KLB: variants seen among roughly 807,000 people sequenced by gnomAD.
KLB encodes the protein beta-klotho.
KLB carries 44 observed loss-of-function variants against 88.4 expected under a neutral mutation model. That is an observed-to-expected ratio of 0.50 (90% CI 0.39 to 0.64). KLB has a LOEUF of 0.64. KLB is among the 30% of genes least tolerant of loss of function. The pLI, the probability that KLB is intolerant of heterozygous loss-of-function variation, is 0.00. For synonymous variants in KLB, 548 were observed against 513.4 expected, an observed-to-expected ratio of 1.07 and a Z score of -0.91; for missense variants, 1,137 against 1,304.8, an observed-to-expected ratio of 0.87 and a Z score of 1.98.
At chr4:39,447,844 C>T (rs1260930648) in intron 4 of KLB, among the ~76,000 whole-genome samples, 1 of 152,050 alleles carries the variant, frequency 6.6e-6, no homozygotes, top group African/African-American at 2.4e-5. Context: ...TGAAATGTTT[C>T]GATACAAGCA....
At chr4:39,423,013 C>A (rs982229058) in intron 1 of KLB, among the ~76,000 whole-genome samples, 1 of 151,804 alleles carries the variant, frequency 6.6e-6, no homozygotes, top group African/African-American at 2.4e-5. Flanking sequence ...GTGATCCACC[C>A]ATCTCAGCCT....
chr4:39,445,284 A>G (rs1379625669), intron 3 of KLB, among the ~76,000 whole-genome samples: 2 of 152,206 alleles, frequency 1.3e-5, no homozygotes, highest in Non-Finnish European at 2.9e-5. Flanking sequence ...GGGCAGAACT[A>G]GAACAGGAGT....
intron 1 of KLB, among the ~76,000 whole-genome samples, chr4:39,417,472 C>A (rs1742989386): frequency 1.3e-5 from 2 of 152,130 alleles, no homozygotes; most frequent in South Asian, 4.1e-4. Context: ...CACCGCCACG[C>A]CTGGCTAATT....
intron 1 of KLB, among the ~76,000 whole-genome samples, chr4:39,423,309 G>C (rs918800797): frequency 6.6e-6 from 1 of 151,792 alleles, no homozygotes; most frequent in Non-Finnish European, 1.5e-5. Flanking sequence ...TTTGCTGACA[G>C]GTCCTCCATG....
chr4:39,423,156 T>C (rs749354524), intron 1 of KLB, among the ~76,000 whole-genome samples: 1 of 151,920 alleles, frequency 6.6e-6, no homozygotes, highest in Non-Finnish European at 1.5e-5. Flanking sequence ...TTCACTTAGC[T>C]TTTGACATCA....
In KLB at chr4:39,437,999, A is replaced by T; in HGVS notation, c.1605+4A>T. On this transcript the variant is annotated splice_donor_region_variant and intron_variant, in intron 3 of 4. Transcript: ENST00000257408. The stretch of plus-strand genomic sequence containing the variant: ...TGTCACTGAATCTGTTCTTAAGGTA[A>T]GTGGTTACTTCCAAATTAACCATAA... The T allele has an allele frequency of 6.2e-7, 1 of 1,608,890 alleles. No individual in the cohort carries two copies. Among genetic ancestry groups the T allele is most frequent in the Non-Finnish European group, 8.5e-7 (1 of 1,177,110 alleles).
intron 1 of KLB, among the ~76,000 whole-genome samples, chr4:39,421,266 G>A (rs1264496535): frequency 6.6e-6 from 1 of 152,158 alleles, no homozygotes; most frequent in Non-Finnish European, 1.5e-5. Flanking sequence ...TGACAAAAGG[G>A]ATAAAATAAT....
At chr4:39,419,495 C>T (rs927485954) in intron 1 of KLB, among the ~76,000 whole-genome samples, 12 of 152,162 alleles carry the variant, frequency 7.9e-5, no homozygotes, top group African/African-American at 2.6e-4. Flanking sequence ...TATTTTTGGC[C>T]GAGCACGGTG....
At chr4:39,438,069 TAAGAG>T in intron 3 of KLB, 74 bp downstream of exon 3, 17 of 1,373,946 alleles carry the variant, frequency 1.2e-5, no homozygotes, top group Non-Finnish European at 1.7e-5. Context: ...CAATGACAGC[TAAGAG>T]ATAGCTGTCA....
At chr4:39,414,890 A>T (rs1020728652) in intron 1 of KLB, among the ~76,000 whole-genome samples, 1 of 150,982 alleles carries the variant, frequency 6.6e-6, no homozygotes, top group Non-Finnish European at 1.5e-5. Context: ...AAAAAAAAAA[A>T]GCAAAATTCA....
At chr4:39,437,626 T>A in intron 2 of KLB, 101 bp from the exon 3 acceptor site, 3 of 1,340,864 alleles carry the variant, frequency 2.2e-6, no homozygotes, top group Non-Finnish European at 2.0e-6. Flanking sequence ...GGGCAAAGGT[T>A]CGTTTTACAA....
intron 3 of KLB, among the ~76,000 whole-genome samples, chr4:39,443,123 T>A (rs1258338549): frequency 6.6e-6 from 1 of 152,198 alleles, no homozygotes; most frequent in Non-Finnish European, 1.5e-5. Flanking sequence ...TAATACTACA[T>A]AGATGATGTG....
chr4:39,445,508 T>C (rs1743718629), intron 3 of KLB, among the ~76,000 whole-genome samples: 1 of 149,990 alleles, frequency 6.7e-6, no homozygotes. Flanking sequence ...TCTTTTCTTT[T>C]TTTTTTTTTT....
rs1213820650 is a variant in KLB, at chr4:39,449,364, C to T, written c.*678C>T. ...AAAAGCAAAACTTTGTTTTGTTAGA[C>T]TCTACAGCAGAGATTTAACACCCTT... On this transcript the variant is annotated 3_prime_UTR_variant, in exon 5 of 5. Coordinates refer to ENST00000257408, the MANE Select transcript of KLB (RefSeq NM_175737.4). The T allele has an allele frequency of 2.7e-5, 4 of 150,722 alleles. No individual in the cohort carries two copies. The highest frequency in any genetic ancestry group is 5.9e-5 in the Non-Finnish European group (4 of 67,814). The allele number at this position is 150,722 out of a possible 1,614,324, so 9.3% of individuals were successfully genotyped here.
chr4:39,430,583 C>T (rs1285508213), intron 1 of KLB, among the ~76,000 whole-genome samples: 1 of 142,720 alleles, frequency 7.0e-6, no homozygotes, highest in Admixed American at 7.9e-5. Context: ...GAATACTTCT[C>T]TGAGAGGAAA....
In KLB at chr4:39,448,591, A is replaced by C. The variant is rs56126083; in HGVS notation, c.3040A>C (p.Ile1014Leu). ...CTCCACCCTGGTTCTACTCTTATCAATTGCCATTTTTCAAAGGCAGAAGAG... is the reference window on the plus strand; with the variant it reads ...CTCCACCCTGGTTCTACTCTTATCACTTGCCATTTTTCAAAGGCAGAAGAG... ...FFSTLVLLLS[I>L]AIFQRQKRRK... The change falls in exon 5 of 5, where the codon ATT (isoleucine) becomes CTT (leucine). Residue 1014 changes from isoleucine (I) to leucine (L), a missense_variant. Ile to Leu is a conservative substitution (Grantham distance 5). Transcript: ENST00000257408. The C allele has an allele frequency of 1.2e-6, 2 of 1,614,050 alleles. No homozygotes were observed. Among genetic ancestry groups the C allele is most frequent in the Admixed American group, 1.7e-5 (1 of 60,006 alleles).
intron 1 of KLB, among the ~76,000 whole-genome samples, chr4:39,432,333 G>A (rs1743383034): frequency 6.6e-6 from 1 of 151,976 alleles, no homozygotes; most frequent in Non-Finnish European, 1.5e-5. Flanking sequence ...AGAGACCAGG[G>A]AAGAGATGTC....
intron 2 of KLB, among the ~76,000 whole-genome samples, chr4:39,437,048 A>T (rs915477822): frequency 1.3e-5 from 2 of 152,114 alleles, no homozygotes; most frequent in Non-Finnish European, 2.9e-5. Context: ...AATTCCTACA[A>T]GTTACTGAAT....
At chr4:39,436,311 T>C (rs1743471192) in intron 2 of KLB, among the ~76,000 whole-genome samples, 1 of 152,164 alleles carries the variant, frequency 6.6e-6, no homozygotes, top group Non-Finnish European at 1.5e-5. Flanking sequence ...CCGCCCCAAG[T>C]TGCAGGAAGG....
Sources: gnomAD v4.1 joint callset for allele counts (sites outside exome capture counted in the v4.1 genomes callset) on GRCh38, gnomAD v4.1.1 for gene constraint, MANE v1.5 for transcripts, NCBI Gene and HGNC (gene_info 2026-07-23, HGNC 2026-07-21) for gene names.